Variants in ZNF385B observed in about 807,000 individuals in gnomAD.
The protein encoded by ZNF385B is zinc finger protein 385B.
ZNF385B carries 23 observed loss-of-function variants against 39.2 expected under a neutral mutation model. That is an observed-to-expected ratio of 0.59 (90% CI 0.42 to 0.83). The LOEUF is 0.83. Ranked by LOEUF, ZNF385B falls within the 40% of genes least tolerant of loss-of-function variation. The pLI, the probability that ZNF385B is intolerant of heterozygous loss-of-function variation, is 0.00. For synonymous variants in ZNF385B, 205 were observed against 222.6 expected, an observed-to-expected ratio of 0.92 and a Z score of 0.70; for missense variants, 552 against 598.9, an observed-to-expected ratio of 0.92 and a Z score of 0.82.
Position 179,446,433 on chromosome 2 carries a change from C to G in ZNF385B, c.961+92G>C. On this transcript the variant is annotated intron_variant, in intron 7 of 9. Transcript: ENST00000410066. Reference sequence around the variant, plus strand: ...AAAAGTAGAGAAGCATGGAACAAACCTAAGGTCTGAACAACAAAAGATATG... The same window carrying G: ...AAAAGTAGAGAAGCATGGAACAAACGTAAGGTCTGAACAACAAAAGATATG... The G allele has an allele frequency of 3.4e-6, 5 of 1,491,260 alleles. No individual in the cohort carries two copies. In the South Asian group the frequency reaches 5.8e-5, roughly 17 times the overall value. The allele number at this position is 1,491,260 out of a possible 1,614,324, so 92.4% of individuals were successfully genotyped here. A position where few individuals can be genotyped will look rare whatever the true frequency, so the allele number is the denominator to read the frequency against.
chr2:179,764,863 C>A (rs150908576), intron 3 of ZNF385B, among the ~76,000 whole-genome samples: 4 of 152,160 alleles, frequency 2.6e-5, no homozygotes, highest in African/African-American at 7.2e-5. Flanking sequence ...CATTATTCTG[C>A]GTATTTCTTC....
chr2:179,767,035 C>T (rs909538377), intron 3 of ZNF385B, among the ~76,000 whole-genome samples: 3 of 152,092 alleles, frequency 2.0e-5, no homozygotes, highest in Non-Finnish European at 4.4e-5. Context: ...CCTCAATCCC[C>T]CAGCATTGAG....
intron 3 of ZNF385B, among the ~76,000 whole-genome samples, chr2:179,768,955 T>G (rs374360084): frequency 6.6e-5 from 10 of 152,218 alleles, no homozygotes; most frequent in African/African-American, 2.4e-4. Context: ...GGAAGCCTTG[T>G]TGGTTTTGGC....
intron 1 of ZNF385B, among the ~76,000 whole-genome samples, chr2:179,784,305 CG>C (rs1463632193): frequency 1.3e-5 from 2 of 151,790 alleles, no homozygotes; most frequent in Non-Finnish European, 2.9e-5. Flanking sequence ...AGCAGACACT[CG>C]GGTCTACTTT....
intron 3 of ZNF385B, among the ~76,000 whole-genome samples, chr2:179,641,386 C>T (rs944843030): frequency 1.3e-5 from 2 of 152,096 alleles, no homozygotes; most frequent in Non-Finnish European, 2.9e-5. Flanking sequence ...TGAAATAGAA[C>T]TTATTTCTCC....
chr2:179,562,616 C>T, intron 3 of ZNF385B: 5 of 984,248 alleles, frequency 5.1e-6, no homozygotes, highest in Non-Finnish European at 6.0e-6. Flanking sequence ...CAACTTGATT[C>T]CAGGGAGAGG....
chr2:179,792,286 T>TGTG (rs974371981), intron 1 of ZNF385B, among the ~76,000 whole-genome samples: 4 of 152,110 alleles, frequency 2.6e-5, no homozygotes, highest in Non-Finnish European at 4.4e-5. Flanking sequence ...AGTTACCATT[T>TGTG]GTGTGTGCCT....
intron 1 of ZNF385B, among the ~76,000 whole-genome samples, chr2:179,808,222 C>G (rs1452825460): frequency 6.6e-6 from 1 of 152,036 alleles, no homozygotes; most frequent in Admixed American, 6.5e-5. Flanking sequence ...TCAGTAGAGA[C>G]GGGGTTTCAC....
chr2:179,631,798 A>T (rs1453390651), intron 3 of ZNF385B, among the ~76,000 whole-genome samples: 1 of 152,180 alleles, frequency 6.6e-6, no homozygotes, highest in African/African-American at 2.4e-5. Context: ...ACTCACATGT[A>T]GGCTCAAAAT....
chr2:179,745,408 A>G (rs1450688888), intron 3 of ZNF385B, among the ~76,000 whole-genome samples: 1 of 152,188 alleles, frequency 6.6e-6, no homozygotes, highest in Non-Finnish European at 1.5e-5. Context: ...ATGGTAGCAA[A>G]TTGCATAATA....
At chr2:179,516,200 G>A (rs1455972860) in intron 5 of ZNF385B, among the ~76,000 whole-genome samples, 1 of 151,952 alleles carries the variant, frequency 6.6e-6, no homozygotes, top group African/African-American at 2.4e-5. Flanking sequence ...TGGACATTTG[G>A]GTCAATTCCA....
chr2:179,444,989 T>C lies in ZNF385B; in HGVS notation c.1141-12A>G, dbSNP rs2049328355. 1.3e-5 allele frequency: 21 copies of C among 1,610,390 alleles called. No homozygotes were observed. In the East Asian group the frequency reaches 4.7e-4, roughly 36 times the overall value. ...CGGCTAGAAATGTGCTGAAAAAGTT[T>C]GATGCATTAGCTGGACTGAAATGTG... On this transcript the variant is annotated splice_polypyrimidine_tract_variant and intron_variant, in intron 8 of 9. Transcript: ENST00000410066.
At chr2:179,824,789 G>C (rs996488524) in intron 1 of ZNF385B, among the ~76,000 whole-genome samples, 2 of 151,418 alleles carry the variant, frequency 1.3e-5, no homozygotes, top group African/African-American at 2.4e-5. Flanking sequence ...AATATTTAAA[G>C]ATACAACTTT....
At chr2:179,560,698 C>T (rs1377552690) in intron 3 of ZNF385B, among the ~76,000 whole-genome samples, 2 of 152,088 alleles carry the variant, frequency 1.3e-5, no homozygotes, top group Admixed American at 6.6e-5. Context: ...TGTTTCTGTA[C>T]ATTTGCGTAC....
At chr2:179,600,912 T>C (rs942710576) in intron 3 of ZNF385B, among the ~76,000 whole-genome samples, 1 of 152,212 alleles carries the variant, frequency 6.6e-6, no homozygotes, top group African/African-American at 2.4e-5. Context: ...CTGACTTTCT[T>C]ACATAATAGC....
Position 179,713,357 on chromosome 2 carries a change from G to A in ZNF385B, c.298+56146C>T, listed in dbSNP as rs140182788. The stretch of plus-strand genomic sequence containing the variant: ...CCTCTCTCTCGGCTCCAGCCACGAT[G>A]GTCTTCTTTAGTTCTTCAAATACAT... On this transcript the variant is annotated intron_variant, in intron 3 of 9. Coordinates refer to ENST00000410066, the MANE Select transcript of ZNF385B (RefSeq NM_152520.6). Among the ~76,000 whole-genome samples, 227 of 152,176 alleles carry A rather than the reference G, an allele frequency of 1.5e-3. 1 individual carries two copies. The highest frequency in any genetic ancestry group is 0.013 in the South Asian group (62 of 4,812).
chr2:179,670,384 G>C (rs946903264), intron 3 of ZNF385B, among the ~76,000 whole-genome samples: 1 of 151,866 alleles, frequency 6.6e-6, no homozygotes, highest in Non-Finnish European at 1.5e-5. Context: ...GGAATTGGGA[G>C]GAGATGTACA....
At chr2:179,623,193 G>C (rs1323232723) in intron 3 of ZNF385B, among the ~76,000 whole-genome samples, 1 of 151,914 alleles carries the variant, frequency 6.6e-6, no homozygotes, top group Non-Finnish European at 1.5e-5. Context: ...TTCTAGGTCC[G>C]GAGAATTTAG....
intron 1 of ZNF385B, among the ~76,000 whole-genome samples, chr2:179,791,044 G>A (rs1037360947): frequency 6.6e-6 from 1 of 152,330 alleles, no homozygotes; most frequent in Middle Eastern, 3.4e-3. Context: ...TTTGCATAGA[G>A]ATTATTCCTT....
Sources: allele counts gnomAD v4.1 joint callset (sites outside exome capture counted in the v4.1 genomes callset), GRCh38; gene constraint gnomAD v4.1.1; transcripts MANE v1.5; gene names NCBI Gene and HGNC (gene_info 2026-07-23, HGNC 2026-07-21).